The following BPTF variants were observed in gnomAD, a reference collection of about 807,000 sequenced individuals.
BPTF encodes nucleosome-remodeling factor subunit BPTF.
Under a neutral mutation model 292.5 loss-of-function variants are expected in BPTF, and 18 were observed. The observed-to-expected ratio is 0.06, with a 90% confidence interval of 0.04 to 0.09. BPTF has a LOEUF of 0.09. Among genes scored for constraint, BPTF ranks in the 10% least tolerant of loss-of-function variants. BPTF has a pLI of 1.00. For synonymous variants in BPTF, 1,225 were observed against 1,251.9 expected (o/e 0.98, Z 0.45); for missense variants, 2,726 against 3,498.7 (o/e 0.78, Z 5.57).
At chr17:67,875,163 T>TTA in intron 4 of BPTF, 143 bp downstream of exon 4, 1 of 699,348 alleles carries the variant, frequency 1.4e-6, no homozygotes, top group Non-Finnish European at 2.4e-6. Flanking sequence ...CCGTCCCCTC[T>TTA]TATAACGTGT....
chr17:67,961,693 G>A (rs1936461787), intron 24 of BPTF, among the ~76,000 whole-genome samples: 1 of 152,062 alleles, frequency 6.6e-6, no homozygotes, highest in Non-Finnish European at 1.5e-5. Context: ...CAAAAAATTG[G>A]CCAGGCGTGG....
intron 2 of BPTF, among the ~76,000 whole-genome samples, chr17:67,864,784 T>C (rs2059297768): frequency 6.6e-6 from 1 of 151,990 alleles, no homozygotes; most frequent in African/African-American, 2.4e-5. Flanking sequence ...TACTTACCAG[T>C]TGATCATTCC....
chr17:67,853,814 T>G (rs1244886577), intron 1 of BPTF, 126 bp from the exon 2 acceptor site: 21 of 726,692 alleles, frequency 2.9e-5, no homozygotes, highest in Non-Finnish European at 4.8e-5. Flanking sequence ...TTCTTCGTAT[T>G]ATTTTAACTT....
chr17:67,863,194 G>T (rs1397646732), intron 2 of BPTF, among the ~76,000 whole-genome samples: 1 of 152,186 alleles, frequency 6.6e-6, no homozygotes, highest in Non-Finnish European at 1.5e-5. Context: ...TCTGTTCCAT[G>T]CCTGTCTCCT....
chr17:67,942,464 G>A (rs1354764129), intron 19 of BPTF, among the ~76,000 whole-genome samples: 1 of 152,148 alleles, frequency 6.6e-6, no homozygotes, highest in Non-Finnish European at 1.5e-5. Flanking sequence ...AAATTTAAAT[G>A]TCCAACAAAA....
chr17:67,854,910 A>G lies in BPTF; in HGVS notation c.1436+148A>G. 1 of 643,766 alleles carries G rather than the reference A, an allele frequency of 1.6e-6. No individual in the cohort carries two copies. Among genetic ancestry groups the G allele is most frequent in the South Asian group, 2.1e-5 (1 of 47,990 alleles). The allele number at this position is 643,766 out of a possible 1,614,324, so 39.9% of individuals were successfully genotyped here. On this transcript the variant is annotated intron_variant, in intron 2 of 27. Transcript: ENST00000306378. The surrounding 1 kb of genome is among the most constrained non-coding windows in gnomAD (Gnocchi z 5.6). ...GTTAAATAATTTCTTAATTGAAGGA[A>G]TATGTGCATTAAAATAGCTTTTAAG... is the stretch of plus-strand genomic sequence containing the variant.
chr17:67,890,403 G>A (rs2146227510), intron 4 of BPTF, among the ~76,000 whole-genome samples: 1 of 152,226 alleles, frequency 6.6e-6, no homozygotes, highest in East Asian at 1.9e-4. Context: ...CATGTTGTGG[G>A]AATAAAAGTG....
chr17:67,928,740 GGTTT>G, intron 16 of BPTF, 139 bp downstream of exon 16: 1 of 1,159,626 alleles, frequency 8.6e-7, no homozygotes, highest in South Asian at 1.8e-5. Flanking sequence ...TGTAACGGTT[GGTTT>G]GTTACAAATA....
intron 4 of BPTF, among the ~76,000 whole-genome samples, chr17:67,888,966 C>T (rs1324012165): frequency 6.6e-6 from 1 of 152,196 alleles, no homozygotes; most frequent in Non-Finnish European, 1.5e-5. Context: ...CCAGCTAGTA[C>T]TTAATGCCCA....
chr17:67,903,933 A>G lies in BPTF; in HGVS notation c.2673+15A>G. 6.3e-7 allele frequency: 1 copy of G among 1,577,000 alleles called. No individual in the cohort carries two copies. Reference sequence around the variant, plus strand: ...TTAAGCATCAGGTAATTTTTACAACAACCCTTTAAAATAGTGTTAGCCATT... The same window carrying G: ...TTAAGCATCAGGTAATTTTTACAACGACCCTTTAAAATAGTGTTAGCCATT... On this transcript the variant is annotated intron_variant, in intron 8 of 27. Coordinates refer to ENST00000306378, the MANE Select transcript of BPTF (RefSeq NM_182641.4).
intron 1 of BPTF, among the ~76,000 whole-genome samples, chr17:67,835,865 C>T (rs1272962738): frequency 6.6e-6 from 1 of 151,878 alleles, no homozygotes; most frequent in Non-Finnish European, 1.5e-5. Context: ...TGGGGTTTCA[C>T]CATGGTAGCC....
At chr17:67,909,119 G>A (rs1234337407) in intron 9 of BPTF, among the ~76,000 whole-genome samples, 2 of 151,860 alleles carry the variant, frequency 1.3e-5, no homozygotes, top group African/African-American at 4.8e-5. Flanking sequence ...ACAGGCATGA[G>A]CCACCGCACC....
rs1420390722 is a variant in BPTF, at chr17:67,945,796, A to G, written c.7088A>G (p.Gln2363Arg). 1 of 1,614,044 alleles carries G rather than the reference A, an allele frequency of 6.2e-7. No individual in the cohort carries two copies. The highest frequency in any genetic ancestry group is 8.5e-7 in the Non-Finnish European group (1 of 1,180,020). Residue 2363 changes from glutamine (Q) to arginine (R), a missense_variant, in exon 21 of 28, where the codon CAA (glutamine) becomes CGA (arginine). Physicochemically the swap from Gln to Arg is conservative, Grantham distance 43. Transcript: ENST00000306378. ...ACTCCATCCCAACTGTCTCCTGGAC[A>G]ACAATCCCAGGTTCAGACTACAACC... Reference protein sequence around the residue: ...PSTPSQLSPGQQSQVQTTTSQ... With the variant: ...PSTPSQLSPGRQSQVQTTTSQ...
In BPTF at chr17:67,910,981, A is replaced by C. The variant is rs1219497281; in HGVS notation, c.3097A>C (p.Ser1033Arg). 4 of 1,613,966 alleles carry C rather than the reference A, an allele frequency of 2.5e-6. No individual in the cohort carries two copies. The highest frequency in any genetic ancestry group is 3.4e-6 in the Non-Finnish European group (4 of 1,179,996). The change falls in exon 11 of 28, where the codon AGT becomes CGT. Residue 1033 changes from serine (S) to arginine (R), a missense_variant. By Grantham distance (110) the Ser-to-Arg change is moderately radical. Around this residue, in one of 22 missense-constraint regions of BPTF, gnomAD observed 713 missense variants for 714.9 expected, o/e 1.00. Coordinates refer to ENST00000306378, the MANE Select transcript of BPTF (RefSeq NM_182641.4). ...KTESHVNCQE[S>R]SQVDVVNVSE... ...AGAGTCACATGTAAATTGTCAGGAG[A>C]GTTCTCAAGTAGATGTGGTCAATGT...
At chr17:67,977,306 G>T (rs1382989576) in intron 27 of BPTF, among the ~76,000 whole-genome samples, 1 of 151,874 alleles carries the variant, frequency 6.6e-6, no homozygotes, top group Admixed American at 6.6e-5. Context: ...CTTGAGGTCA[G>T]CAGTTCAAGA....
chr17:67,936,610 T>TC (rs1275542673), intron 18 of BPTF: 3 of 152,132 alleles, frequency 2.0e-5, no homozygotes, highest in Non-Finnish European at 2.9e-5. Context: ...GAGTCTTGAA[T>TC]CCCCTGTGAG....
chr17:67,884,767 A>G (rs898849969), intron 4 of BPTF, among the ~76,000 whole-genome samples: 16 of 151,988 alleles, frequency 1.1e-4, no homozygotes, highest in Admixed American at 8.5e-4. Context: ...AAATACTCCA[A>G]TGAATAGCTA....
chr17:67,921,063 A>G (rs553930179), intron 13 of BPTF, among the ~76,000 whole-genome samples: 225 of 151,560 alleles, frequency 1.5e-3, no homozygotes, highest in African/African-American at 5.1e-3. Flanking sequence ...AAAAATTACA[A>G]AAATATTGGT....
intron 9 of BPTF, among the ~76,000 whole-genome samples, chr17:67,905,060 A>G (rs2062084191): frequency 6.6e-6 from 1 of 152,174 alleles, no homozygotes; most frequent in African/African-American, 2.4e-5. Context: ...GTAGAATGGA[A>G]CTTGTTTTTT....
Sources: gnomAD v4.1 joint callset for allele counts (sites outside exome capture counted in the v4.1 genomes callset) on GRCh38, gnomAD v4.1.1 for gene constraint, gnomAD v4.1.1 regional missense constraint, Gnocchi (gnomAD v3.1) non-coding constraint, MANE v1.5 for transcripts, NCBI Gene and HGNC (gene_info 2026-07-23, HGNC 2026-07-21) for gene names.